The following NPAS3 variants were observed in gnomAD, a reference collection of about 807,000 sequenced individuals.
The protein encoded by NPAS3 is neuronal PAS domain-containing protein 3.
Under a neutral mutation model 73.1 loss-of-function variants are expected in NPAS3, and 14 were observed. That is an observed-to-expected ratio of 0.19 (90% confidence interval 0.13 to 0.30). The LOEUF (loss-of-function observed/expected upper bound fraction) is 0.30. NPAS3 is among the 10% of genes least tolerant of loss of function. The probability of loss-of-function intolerance (pLI) is 1.00; values close to 1 mark genes in which losing one functional copy is unlikely to be tolerated. For synonymous variants in NPAS3, 620 were observed against 541.5 expected (o/e 1.14, Z -2.01); for missense variants, 1,096 against 1,250.0 (o/e 0.88, Z 1.86).
At chr14:32,936,280 T>C (rs562698607), upstream of NPAS3, among the ~76,000 whole-genome samples, 1 of 152,166 alleles carries the variant, frequency 6.6e-6, no homozygotes, top group East Asian at 1.9e-4. Context: ...AAGACTTCAT[T>C]ATATGCTCTG....
At chr14:33,458,455 C>T (rs565847055) in intron 4 of NPAS3, among the ~76,000 whole-genome samples, 115 of 151,448 alleles carry the variant, frequency 7.6e-4, no homozygotes, top group African/African-American at 2.3e-3. Flanking sequence ...TCACATGGGG[C>T]GAAAAAAGAA....
At chr14:32,977,356 G>GCACGCGCACACACA (rs71432100) in intron 1 of NPAS3, among the ~76,000 whole-genome samples, 2 of 141,544 alleles carry the variant, frequency 1.4e-5, no homozygotes, top group Non-Finnish European at 3.0e-5. Context: ...TCTCTGACAC[G>GCACGCGCACACACA]CACACACACA....
At chr14:33,395,268 A>G (rs188631111) in intron 4 of NPAS3, among the ~76,000 whole-genome samples, 26 of 152,264 alleles carry the variant, frequency 1.7e-4, no homozygotes. Flanking sequence ...TCAGTGCCTC[A>G]GTGACAATGG....
chr14:33,125,518 G>A (rs1191417112), intron 2 of NPAS3, among the ~76,000 whole-genome samples: 1 of 152,124 alleles, frequency 6.6e-6, no homozygotes, highest in Admixed American at 6.5e-5. Flanking sequence ...CAATCTGTGA[G>A]CAAAGGCAGA....
At chr14:33,358,487 A>G (rs28537617) in intron 3 of NPAS3, among the ~76,000 whole-genome samples, 6,898 of 152,184 alleles carry the variant, frequency 0.045, 394 homozygotes, top group East Asian at 0.22. Flanking sequence ...ATGTCTGATC[A>G]GTAGATCCCA....
intron 1 of NPAS3, among the ~76,000 whole-genome samples, chr14:33,012,370 A>G (rs979015483): frequency 6.6e-6 from 1 of 152,208 alleles, no homozygotes; most frequent in Admixed American, 6.5e-5. Context: ...CAATGAAGGC[A>G]TGTATTGGTG....
rs928858228 is a variant in NPAS3 at position 33,652,856 on chromosome 14, G to A, written c.559-23355G>A. 2.0e-5 allele frequency among the ~76,000 whole-genome samples: 3 copies of A among 152,300 alleles called. No individual in the cohort carries two copies. In the East Asian group the frequency reaches 5.8e-4, roughly 29 times the overall value. Reference sequence around the variant, plus strand: ...GATGCAATAAGCTGTCCAGGGCTATGTTGACATCATCCCCTTGCTTGCTGT... The same window carrying A: ...GATGCAATAAGCTGTCCAGGGCTATATTGACATCATCCCCTTGCTTGCTGT... On this transcript the variant is annotated intron_variant, in intron 5 of 11. Coordinates refer to ENST00000356141, the Ensembl canonical transcript of NPAS3.
At chr14:33,415,175 G>A (rs2048096947) in intron 4 of NPAS3, among the ~76,000 whole-genome samples, 1 of 152,108 alleles carries the variant, frequency 6.6e-6, no homozygotes, top group South Asian at 2.1e-4. Flanking sequence ...TGCTGCACTG[G>A]AAAGAGTTTA....
chr14:33,205,361 T>G (rs903862793), intron 2 of NPAS3, among the ~76,000 whole-genome samples: 2 of 152,224 alleles, frequency 1.3e-5, no homozygotes, highest in Admixed American at 6.5e-5. Flanking sequence ...ATATCCTTTT[T>G]GGCAATATGT....
chr14:33,539,648 A>G (rs2054419315), intron 4 of NPAS3, among the ~76,000 whole-genome samples: 9 of 152,102 alleles, frequency 5.9e-5, no homozygotes, highest in Admixed American at 5.9e-4. Context: ...CCACAAAAAG[A>G]AGTGAAAGTA....
intron 5 of NPAS3, among the ~76,000 whole-genome samples, chr14:33,652,186 A>G (rs2059014518): frequency 1.3e-5 from 2 of 151,028 alleles, no homozygotes; most frequent in South Asian, 4.1e-4. Flanking sequence ...ATTCTCATAA[A>G]ATTATCTTGG....
At chr14:32,943,857 T>C (rs1356383649) in intron 1 of NPAS3, among the ~76,000 whole-genome samples, 1 of 152,126 alleles carries the variant, frequency 6.6e-6, no homozygotes, top group Non-Finnish European at 1.5e-5. Context: ...CCCAGCTAAT[T>C]TTTGTATTTT....
At chr14:33,630,869 A>G (rs2058359069) in intron 5 of NPAS3, among the ~76,000 whole-genome samples, 1 of 152,240 alleles carries the variant, frequency 6.6e-6, no homozygotes, top group Non-Finnish European at 1.5e-5. Flanking sequence ...TACTGAGAAA[A>G]TTGATTTTAT....
At chr14:33,771,797 C>G (rs1203463142) in intron 7 of NPAS3, among the ~76,000 whole-genome samples, 1 of 151,074 alleles carries the variant, frequency 6.6e-6, no homozygotes, top group Non-Finnish European at 1.5e-5. Flanking sequence ...GGCGACAGAG[C>G]GAGACTCCAT....
chr14:33,327,455 T>C lies in NPAS3; in HGVS notation c.386-39731T>C, dbSNP rs569819892. The stretch of plus-strand genomic sequence containing the variant: ...ATACAAATTCTGATGCTAGGTTAGA[T>C]GTTGTGAAGAAAACAAAGATACACA... On this transcript the variant is annotated intron_variant, in intron 3 of 11. Coordinates refer to ENST00000356141, the Ensembl canonical transcript of NPAS3. 1.1e-4 allele frequency among the ~76,000 whole-genome samples: 16 copies of C among 152,352 alleles called. No homozygotes were observed. In the South Asian group the frequency reaches 3.1e-3, roughly 30 times the overall value.
chr14:33,574,753 G>A (rs1279776303), intron 5 of NPAS3, among the ~76,000 whole-genome samples: 1 of 152,164 alleles, frequency 6.6e-6, no homozygotes, highest in African/African-American at 2.4e-5. Flanking sequence ...AGAAGAATAA[G>A]CTTGATGGTA....
At chr14:33,172,313 G>A (rs936561490) in intron 2 of NPAS3, among the ~76,000 whole-genome samples, 23 of 152,314 alleles carry the variant, frequency 1.5e-4, no homozygotes, top group Admixed American at 9.8e-4. Flanking sequence ...GCAGTAAGAC[G>A]AAGTATGCCT....
chr14:33,003,010 A>T (rs2038865099), intron 1 of NPAS3, among the ~76,000 whole-genome samples: 1 of 151,994 alleles, frequency 6.6e-6, no homozygotes, highest in Admixed American at 6.6e-5. Context: ...TGTATAGGCA[A>T]GCATCATAGC....
chr14:33,759,181 C>A (rs2062207105), intron 7 of NPAS3, among the ~76,000 whole-genome samples: 1 of 152,186 alleles, frequency 6.6e-6, no homozygotes, highest in Admixed American at 6.5e-5. Context: ...CACCTAAGCC[C>A]TCCTTGCTGC....
Sources: gnomAD v4.1 joint callset for allele counts (sites outside exome capture counted in the v4.1 genomes callset) on GRCh38, gnomAD v4.1.1 for gene constraint, MANE v1.5 for transcripts, NCBI Gene and HGNC (gene_info 2026-07-23, HGNC 2026-07-21) for gene names.